Variants in PALLD observed in about 807,000 individuals in gnomAD.
PALLD encodes palladin.
PALLD carries 61 observed loss-of-function variants against 123.5 expected under a neutral mutation model. The ratio of observed to expected loss-of-function variants is 0.49; its 90% CI spans 0.40 to 0.61. The LOEUF is 0.61. Ranked by LOEUF, PALLD falls within the 20% of genes least tolerant of loss-of-function variation. The pLI is 0.00. For synonymous variants in PALLD, 465 were observed against 496.4 expected (o/e 0.94, Z 0.84); for missense variants, 1,273 against 1,377.0 (o/e 0.92, Z 1.20).
At chr4:168,668,460 C>G in intron 3 of PALLD, 92 bp downstream of exon 3, 1 of 983,574 alleles carries the variant, frequency 1.0e-6, no homozygotes, top group Non-Finnish European at 1.5e-6. Context: ...CTTTCCAATG[C>G]AAATGGCACA....
chr4:168,607,551 G>A (rs1048311264), intron 2 of PALLD, among the ~76,000 whole-genome samples: 4 of 152,120 alleles, frequency 2.6e-5, no homozygotes, highest in African/African-American at 9.7e-5. Flanking sequence ...AATATTTATT[G>A]AGAGCCAGAC....
chr4:168,566,802 G>T (rs1405556716), intron 2 of PALLD, among the ~76,000 whole-genome samples: 1 of 152,168 alleles, frequency 6.6e-6, no homozygotes. Flanking sequence ...GAAGAAATCT[G>T]CATATTAATA....
chr4:168,559,835 T>G (rs1232371698), intron 2 of PALLD, among the ~76,000 whole-genome samples: 1 of 151,412 alleles, frequency 6.6e-6, no homozygotes, highest in Non-Finnish European at 1.5e-5. Context: ...CAGTGAGCTG[T>G]GATCACACCA....
intron 10 of PALLD, among the ~76,000 whole-genome samples, chr4:168,714,824 T>C (rs941040280): frequency 2.0e-5 from 3 of 151,750 alleles, no homozygotes; most frequent in African/African-American, 7.3e-5. Context: ...GTCTGATGTG[T>C]CAGATGTCTG....
chr4:168,800,360 C>T (rs1028334774), intron 10 of PALLD, among the ~76,000 whole-genome samples: 4 of 151,964 alleles, frequency 2.6e-5, no homozygotes, highest in Non-Finnish European at 4.4e-5. Context: ...CAACACTGGA[C>T]CAGAATATGT....
intron 10 of PALLD, among the ~76,000 whole-genome samples, chr4:168,860,811 TC>T (rs980526670): frequency 6.6e-6 from 1 of 152,116 alleles, no homozygotes; most frequent in African/African-American, 2.4e-5. Context: ...TGACAGAGTC[TC>T]AAAAAACAAA....
chr4:168,812,927 C>T (rs1018351853), intron 10 of PALLD, among the ~76,000 whole-genome samples: 2 of 152,072 alleles, frequency 1.3e-5, no homozygotes, highest in Admixed American at 6.6e-5. Flanking sequence ...TTGTACTGGT[C>T]CCCAGCCCCC....
intron 5 of PALLD, among the ~76,000 whole-genome samples, chr4:168,684,512 C>T (rs993630397): frequency 6.6e-6 from 1 of 152,176 alleles, no homozygotes; most frequent in Non-Finnish European, 1.5e-5. Context: ...GTTTCTTCAT[C>T]TGTAAAATGA....
Position 168,701,176 on chromosome 4 carries a change from A to G in PALLD, c.1502-7852A>G, listed in dbSNP as rs1320366855. Reference sequence around the variant, plus strand: ...TCTGAGAAAGTAATGTTTGTGGGGAAACATAAGACTGAGTAGGAGAGTGCC... The same window carrying G: ...TCTGAGAAAGTAATGTTTGTGGGGAGACATAAGACTGAGTAGGAGAGTGCC... On this transcript the variant is annotated intron_variant, in intron 8 of 21. Coordinates refer to ENST00000505667, the MANE Select transcript of PALLD (RefSeq NM_001166108.2). Among the ~76,000 whole-genome samples, 8 of 152,374 alleles carry G rather than the reference A, an allele frequency of 5.3e-5. 1 individual carries two copies. In the South Asian group the frequency reaches 1.7e-3, roughly 32 times the overall value.
chr4:168,908,570 A>G (rs185157635), intron 15 of PALLD, among the ~76,000 whole-genome samples: 2 of 152,294 alleles, frequency 1.3e-5, no homozygotes, highest in East Asian at 3.9e-4. Context: ...TTGACAGAAA[A>G]CTGAAGTTGA....
At position 168,822,036 on chromosome 4, in the gene PALLD, C is replaced by T. The variant is rs564717102; in HGVS notation, c.1965-68886C>T. 5.1e-4 allele frequency among the ~76,000 whole-genome samples: 78 copies of T among 152,180 alleles called. 1 individual carries two copies. The highest frequency in any genetic ancestry group is 1.9e-3 in the African/African-American group (77 of 41,520). On this transcript the variant is annotated intron_variant, in intron 10 of 21. Coordinates refer to ENST00000505667, the MANE Select transcript of PALLD (RefSeq NM_001166108.2). ...ATGGTGGGCTGGCCTGAGGCCTGAT[C>T]CCAGAACCCTCCAGCTGAAAGGAAT...
At chr4:168,556,398 T>C (rs1767312258) in intron 2 of PALLD, among the ~76,000 whole-genome samples, 1 of 152,154 alleles carries the variant, frequency 6.6e-6, no homozygotes, top group African/African-American at 2.4e-5. Flanking sequence ...CCCGGCCATA[T>C]TAATACCTTT....
At chr4:168,578,681 A>C (rs2149640510) in intron 2 of PALLD, among the ~76,000 whole-genome samples, 1 of 152,258 alleles carries the variant, frequency 6.6e-6, no homozygotes, top group South Asian at 2.1e-4. Context: ...GTGAAGAAAA[A>C]AACACAGAGG....
rs772363074 is a variant in PALLD, at chr4:168,681,420, G to A, written c.1154+22G>A. On this transcript the variant is annotated intron_variant, in intron 4 of 21. Coordinates refer to ENST00000505667, the MANE Select transcript of PALLD (RefSeq NM_001166108.2). ...CACAGTAAGTGCCTACAATTCCATC[G>A]ATTATGTGGAAACAAAGAATGGCAA... 7.5e-6 allele frequency: 11 copies of A among 1,474,802 alleles called. No homozygotes were observed. In the South Asian group the frequency reaches 1.1e-4, roughly 15 times the overall value. 91.4% of individuals were successfully genotyped at this position (1,474,802 alleles called of 1,614,324 possible). A position where few individuals can be genotyped will look rare whatever the true frequency, so the allele number is the denominator to read the frequency against.
At chr4:168,497,899 T>G (rs1467265267) in intron 1 of PALLD, among the ~76,000 whole-genome samples, 1 of 152,222 alleles carries the variant, frequency 6.6e-6, no homozygotes, top group Admixed American at 6.5e-5. Context: ...GAGGTTGACA[T>G]AAAATGATTT....
At chr4:168,868,777 C>A (rs1224743550) in intron 10 of PALLD, among the ~76,000 whole-genome samples, 1 of 152,174 alleles carries the variant, frequency 6.6e-6, no homozygotes, top group African/African-American at 2.4e-5. Flanking sequence ...TAGGGACCAA[C>A]TTTGTTATCT....
chr4:168,748,414 C>T (rs564181238), intron 10 of PALLD, among the ~76,000 whole-genome samples: 19 of 152,164 alleles, frequency 1.2e-4, no homozygotes, highest in Non-Finnish European at 4.4e-5. Context: ...GATGTCAGTT[C>T]TAAGTAATAT....
intron 9 of PALLD, among the ~76,000 whole-genome samples, chr4:168,710,613 T>C (rs1158434744): frequency 1.9e-4 from 29 of 152,066 alleles, no homozygotes; most frequent in Admixed American, 1.9e-3. Flanking sequence ...AGAAAAGAAA[T>C]GGGAGGGTCA....
At chr4:168,539,918 T>C (rs1223352221) in intron 2 of PALLD, among the ~76,000 whole-genome samples, 1 of 152,204 alleles carries the variant, frequency 6.6e-6, no homozygotes, top group East Asian at 1.9e-4. Flanking sequence ...CACCCAGGTA[T>C]TGAGCATAGT....
Sources: gnomAD v4.1 joint callset for allele counts (sites outside exome capture counted in the v4.1 genomes callset) on GRCh38, gnomAD v4.1.1 for gene constraint, MANE v1.5 for transcripts, NCBI Gene and HGNC (gene_info 2026-07-23, HGNC 2026-07-21) for gene names.